NRIP3: variants seen among roughly 807,000 people sequenced by gnomAD.
NRIP3 encodes the protein nuclear receptor interacting protein 3, also known as nuclear receptor-interacting protein 3.
In NRIP3, 31 loss-of-function variants were observed where a neutral mutation model predicts 29.0. The ratio of observed to expected loss-of-function variants is 1.07; its 90% CI spans 0.80 to 1.44. The LOEUF is 1.44. NRIP3 is among the 40% of genes most tolerant of loss of function. The pLI, the probability that NRIP3 is intolerant of heterozygous loss-of-function variation, is 0.00. For synonymous variants in NRIP3, 131 were observed against 118.3 expected, an observed-to-expected ratio of 1.11 and a Z score of -0.70; for missense variants, 314 against 297.9, an observed-to-expected ratio of 1.05 and a Z score of -0.40.
At chr11:8,993,808 CAAAAAA>C (rs35171191) in intron 1 of NRIP3, among the ~76,000 whole-genome samples, 5 of 92,240 alleles carry the variant, frequency 5.4e-5, no homozygotes, top group Admixed American at 1.2e-4. Flanking sequence ...GACCCTGCCT[CAAAAAA>C]AAAAAAAAAA....
rs921945892 is a variant in NRIP3, at chr11:8,980,814, T to C, written c.*2731A>G. The stretch of plus-strand genomic sequence containing the variant: ...ACACTTTGAGCTAAGAAATAGAAAA[T>C]TGTACCAGGTAGGGTCTGTGCAGGG... On this transcript the variant is annotated 3_prime_UTR_variant, in exon 7 of 7. Transcript: ENST00000309166. 6.6e-6 allele frequency: 1 copy of C among 152,098 alleles called. No homozygotes were observed. Among genetic ancestry groups the C allele is most frequent in the African/African-American group, 2.4e-5 (1 of 41,414 alleles). 9.4% of individuals were successfully genotyped at this position (152,098 alleles called of 1,614,324 possible).
chr11:8,994,121 G>C (rs1854659158), intron 1 of NRIP3, among the ~76,000 whole-genome samples: 2 of 152,136 alleles, frequency 1.3e-5, no homozygotes, highest in Non-Finnish European at 2.9e-5. Context: ...AACAACTTCA[G>C]GGCTATTGAC....
intron 1 of NRIP3, among the ~76,000 whole-genome samples, chr11:8,997,908 T>C (rs547052002): frequency 2.6e-5 from 4 of 152,186 alleles, no homozygotes; most frequent in African/African-American, 7.2e-5. Context: ...ACAGAGGAAA[T>C]GGTAGGGGTC....
chr11:8,995,315 C>CATT (rs1253475978), intron 1 of NRIP3, among the ~76,000 whole-genome samples: 1 of 152,186 alleles, frequency 6.6e-6, no homozygotes, highest in Non-Finnish European at 1.5e-5. Flanking sequence ...TTAGCTTGGG[C>CATT]AAATCACTAA....
At chr11:8,987,097 G>A (rs1016413991) in intron 3 of NRIP3, among the ~76,000 whole-genome samples, 1 of 152,182 alleles carries the variant, frequency 6.6e-6, no homozygotes, top group Non-Finnish European at 1.5e-5. Context: ...CCTATTCTCA[G>A]TTCTGATGGA....
At chr11:8,984,045 T>G in intron 5 of NRIP3, 27 bp downstream of exon 5, 1 of 1,608,894 alleles carries the variant, frequency 6.2e-7, no homozygotes, top group Non-Finnish European at 8.5e-7. Context: ...AGAGGAAGTA[T>G]CAAGGGGTAA....
chr11:9,002,392 A>G (rs1379679152), intron 1 of NRIP3, among the ~76,000 whole-genome samples: 1 of 152,144 alleles, frequency 6.6e-6, no homozygotes, highest in African/African-American at 2.4e-5. Flanking sequence ...CTGGGTTAGC[A>G]TAAATCAGAT....
At chr11:8,993,857 C>G (rs1205777877) in intron 1 of NRIP3, among the ~76,000 whole-genome samples, 1 of 144,824 alleles carries the variant, frequency 6.9e-6, no homozygotes, top group Non-Finnish European at 1.5e-5. Context: ...GTGATGAAAA[C>G]AGTTAATTAA....
rs1854856236 is a variant in NRIP3, at chr11:9,003,745, C to A, written c.174+17G>T. The A allele has an allele frequency of 3.6e-6, 5 of 1,397,292 alleles. No homozygotes were observed. Among genetic ancestry groups the A allele is most frequent in the Non-Finnish European group, 4.7e-6 (5 of 1,067,652 alleles). 86.6% of individuals were successfully genotyped at this position (1,397,292 alleles called of 1,614,324 possible). A position where few individuals can be genotyped will look rare whatever the true frequency, so the allele number is the denominator to read the frequency against. ...GAAGCCGCCGGGGCCGGGGCGAGAA[C>A]GGCGGCGGGGGCTCACCATGTCCTT... On this transcript the variant is annotated intron_variant, in intron 1 of 6. Coordinates refer to ENST00000309166, the MANE Select transcript of NRIP3 (RefSeq NM_020645.3).
At chr11:8,984,341 C>T (rs553718599) in intron 4 of NRIP3, among the ~76,000 whole-genome samples, 1 of 152,074 alleles carries the variant, frequency 6.6e-6, no homozygotes, top group Non-Finnish European at 1.5e-5. Flanking sequence ...CGGCTCACTG[C>T]AACCTCTGCC....
At position 8,983,962 on chromosome 11, in the gene NRIP3, A is replaced by C; in HGVS notation, c.623T>G (p.Ile208Arg). The C allele has an allele frequency of 6.2e-7, 1 of 1,614,094 alleles. No individual in the cohort carries two copies. Among genetic ancestry groups the C allele is most frequent in the Non-Finnish European group, 8.5e-7 (1 of 1,179,944 alleles). ...LQTLRSLKCI[I>R]NLDKHRLIMG... The stretch of plus-strand genomic sequence containing the variant: ...GATCAGCCGGTGCTTATCCAAGTTT[A>C]TGATGCACTGAAAACAGGTAACTTG... Residue 208 changes from isoleucine (I) to arginine (R), a missense_variant, in exon 6 of 7, where the codon ATA becomes AGA. Ile to Arg is a moderately conservative substitution (Grantham distance 97). Transcript: ENST00000309166.
intron 1 of NRIP3, among the ~76,000 whole-genome samples, chr11:8,991,975 G>T (rs1478777315): frequency 6.6e-6 from 1 of 152,210 alleles, no homozygotes; most frequent in Non-Finnish European, 1.5e-5. Context: ...GCCACATGTT[G>T]AAGACAGAAG....
chr11:8,991,780 T>G (rs1367263515), intron 1 of NRIP3, among the ~76,000 whole-genome samples: 1 of 152,234 alleles, frequency 6.6e-6, no homozygotes, highest in Non-Finnish European at 1.5e-5. Flanking sequence ...CTAGACTGTT[T>G]CCTAGCCCTC....
chr11:9,003,725 C>A (rs1349567644), intron 1 of NRIP3, 37 bp downstream of exon 1: 17 of 1,371,072 alleles, frequency 1.2e-5, no homozygotes, highest in Admixed American at 3.7e-5. Context: ...GGCGCGAAGC[C>A]GCCGGGGCCG....
At chr11:8,991,428 G>A (rs1854600126) in intron 1 of NRIP3, among the ~76,000 whole-genome samples, 1 of 152,182 alleles carries the variant, frequency 6.6e-6, no homozygotes, top group Admixed American at 6.5e-5. Context: ...GAACCTCAGA[G>A]ATGTTTTTCT....
rs1200290909 is a variant in NRIP3, at chr11:8,983,863, T to G, written c.710+12A>C. 1 of 1,609,550 alleles carries G rather than the reference T, an allele frequency of 6.2e-7. No individual in the cohort carries two copies. The highest frequency in any genetic ancestry group is 1.1e-5 in the South Asian group (1 of 90,980). ...ATGGATGTGACTTGATCTGACCCATTTGGGCACTCACTTGTCTTCATTCAA... is the reference window on the plus strand; with the variant it reads ...ATGGATGTGACTTGATCTGACCCATGTGGGCACTCACTTGTCTTCATTCAA... On this transcript the variant is annotated intron_variant, in intron 6 of 6. Coordinates refer to ENST00000309166, the MANE Select transcript of NRIP3 (RefSeq NM_020645.3).
intron 1 of NRIP3, among the ~76,000 whole-genome samples, chr11:8,990,747 G>A (rs911345478): frequency 1.3e-5 from 2 of 152,030 alleles, no homozygotes; most frequent in Non-Finnish European, 2.9e-5. Flanking sequence ...AGCCTAGATC[G>A]CACCACTGCA....
chr11:8,996,641 T>C (rs1307778726), intron 1 of NRIP3, among the ~76,000 whole-genome samples: 1 of 152,222 alleles, frequency 6.6e-6, no homozygotes, highest in Admixed American at 6.5e-5. Flanking sequence ...TCAATACTTG[T>C]ATATTAAAGA....
chr11:8,993,296 T>G (rs1425230985), intron 1 of NRIP3, among the ~76,000 whole-genome samples: 1 of 152,202 alleles, frequency 6.6e-6, no homozygotes, highest in African/African-American at 2.4e-5. Context: ...CATGGAAACT[T>G]TTTTTAAACA....
Sources: allele counts gnomAD v4.1 joint callset (sites outside exome capture counted in the v4.1 genomes callset), GRCh38; gene constraint gnomAD v4.1.1; transcripts MANE v1.5; gene names NCBI Gene and HGNC (gene_info 2026-07-23, HGNC 2026-07-21).